The following GLI3 variants were observed in gnomAD, a reference collection of about 807,000 sequenced individuals.
GLI3 encodes GLI family zinc finger 3.
A neutral mutation model predicts 100.8 loss-of-function variants in GLI3; 20 were observed. The ratio of observed to expected loss-of-function variants is 0.20; its 90% CI spans 0.14 to 0.29. The LOEUF (loss-of-function observed/expected upper bound fraction) is 0.29, where lower values mean the gene tolerates loss of function less well. GLI3 is among the 10% of genes least tolerant of loss of function. The probability of loss-of-function intolerance (pLI) is 1.00; values close to 1 mark genes in which losing one functional copy is unlikely to be tolerated. For missense variants in GLI3, 2,040 were observed against 2,128.5 expected, an observed-to-expected ratio of 0.96 and a Z score of 0.82; for synonymous variants, 938 against 860.5, an observed-to-expected ratio of 1.09 and a Z score of -1.58.
chr7:42,065,493 T>G (rs1784656395), intron 4 of GLI3, among the ~76,000 whole-genome samples: 2 of 152,152 alleles, frequency 1.3e-5, no homozygotes, highest in South Asian at 4.1e-4. Context: ...ATATTTACTC[T>G]TTGTTAATAG....
rs1263460212 is a variant in GLI3, at chr7:42,201,955, G to A, written c.124+21175C>T. Among the ~76,000 whole-genome samples the A allele has an allele frequency of 3.3e-5, 5 of 151,536 alleles. No individual in the cohort carries two copies. In the South Asian group the frequency reaches 1.0e-3, roughly 32 times the overall value. ...AAATTAGCTGGGCATGGTGGCGTGC[G>A]CCTGTAGTCCCAGCTACTCAGGAGG... is the stretch of plus-strand genomic sequence containing the variant. On this transcript the variant is annotated intron_variant, in intron 2 of 14. Transcript: ENST00000395925.
intron 3 of GLI3, among the ~76,000 whole-genome samples, chr7:42,101,317 C>A (rs1298299405): frequency 6.6e-6 from 1 of 151,998 alleles, no homozygotes; most frequent in African/African-American, 2.4e-5. Context: ...ATAAAAAATC[C>A]AGGACTGGCG....
At chr7:42,214,228 T>G (rs979554153) in intron 2 of GLI3, among the ~76,000 whole-genome samples, 12 of 152,202 alleles carry the variant, frequency 7.9e-5, no homozygotes, top group South Asian at 6.2e-4. Flanking sequence ...AACAAAAGAA[T>G]CAAGAGACTT....
intron 3 of GLI3, among the ~76,000 whole-genome samples, chr7:42,086,099 T>C (rs1439400329): frequency 6.6e-6 from 1 of 152,178 alleles, no homozygotes; most frequent in African/African-American, 2.4e-5. Context: ...TAAATAGTAA[T>C]TAATAAAAAA....
At chr7:42,152,420 G>C (rs1012681241) in intron 2 of GLI3, 2 of 985,394 alleles carry the variant, frequency 2.0e-6, no homozygotes, top group African/African-American at 3.5e-5. Context: ...CTCTAGCTGC[G>C]CAGACCCTCT....
chr7:42,108,344 G>A (rs1198673507), intron 3 of GLI3, among the ~76,000 whole-genome samples: 1 of 152,006 alleles, frequency 6.6e-6, no homozygotes, highest in African/African-American at 2.4e-5. Flanking sequence ...CCTCCCTCTA[G>A]AGTCATGACC....
intron 2 of GLI3, among the ~76,000 whole-genome samples, chr7:42,197,337 C>A (rs1204008229): frequency 6.6e-6 from 1 of 152,218 alleles, no homozygotes; most frequent in Non-Finnish European, 1.5e-5. Flanking sequence ...ATAGGCCTCA[C>A]CTTGTGGATA....
chr7:41,980,010 A>G (rs1787612546), intron 10 of GLI3, among the ~76,000 whole-genome samples: 1 of 152,226 alleles, frequency 6.6e-6, no homozygotes, highest in Non-Finnish European at 1.5e-5. Context: ...ACAAAAGTAA[A>G]GTTTTCTATG....
intron 2 of GLI3, among the ~76,000 whole-genome samples, chr7:42,217,304 GATA>G (rs1788397590): frequency 6.6e-6 from 1 of 152,156 alleles, no homozygotes; most frequent in Non-Finnish European, 1.5e-5. Context: ...CAGGAAAGGT[GATA>G]TACTTAGCCA....
upstream of GLI3, among the ~76,000 whole-genome samples, chr7:42,239,811 A>ATGGT (rs1788905972): frequency 6.6e-6 from 1 of 152,210 alleles, no homozygotes; most frequent in African/African-American, 2.4e-5. Flanking sequence ...TTTAATGGTA[A>ATGGT]ACCCATACAT....
At chr7:41,988,471 AAAAG>A (rs1206282582) in intron 10 of GLI3, among the ~76,000 whole-genome samples, 1 of 26,230 alleles carries the variant, frequency 3.8e-5, no homozygotes. Context: ...CTCAAAAAAA[AAAAG>A]GGGGGGGGGG....
chr7:41,971,227 G>A (rs1380234546), intron 13 of GLI3, among the ~76,000 whole-genome samples: 1 of 152,174 alleles, frequency 6.6e-6, no homozygotes, highest in Non-Finnish European at 1.5e-5. Flanking sequence ...CCATCCGATA[G>A]ACTGCTCTAA....
At chr7:42,086,729 G>C (rs904275759) in intron 3 of GLI3, among the ~76,000 whole-genome samples, 1 of 151,998 alleles carries the variant, frequency 6.6e-6, no homozygotes, top group Non-Finnish European at 1.5e-5. Flanking sequence ...CCATGGGATC[G>C]AGTGCTCCTT....
At chr7:42,026,560 A>G in intron 7 of GLI3, 148 bp from the exon 8 acceptor site, 1 of 709,782 alleles carries the variant, frequency 1.4e-6, no homozygotes, top group Non-Finnish European at 2.5e-6. Context: ...AAGCATCTTG[A>G]AAACTTCTAA....
At chr7:42,003,854 G>A (rs569744814) in intron 10 of GLI3, among the ~76,000 whole-genome samples, 8 of 152,224 alleles carry the variant, frequency 5.3e-5, no homozygotes, top group Middle Eastern at 6.8e-3. Flanking sequence ...CATGTCTCTG[G>A]TATCAAAGCA....
Position 41,972,134 on chromosome 7 carries a change from T to A in GLI3, c.2103+203A>T, listed in dbSNP as rs1583741172. ...AGTGGTATGGTTCTGGGAGGGATTT[T>A]AAAAATCAGTTAGGAAACCTGGAAA... On this transcript the variant is annotated intron_variant, in intron 13 of 14. Coordinates refer to ENST00000395925, the MANE Select transcript of GLI3 (RefSeq NM_000168.6). This position sits in a 1 kb window ranked among gnomAD's most constrained non-coding sequence, Gnocchi z 4.4. Among the ~76,000 whole-genome samples the A allele has an allele frequency of 6.6e-6, 1 of 152,266 alleles. No homozygotes were observed. Among genetic ancestry groups the A allele is most frequent in the Non-Finnish European group, 1.5e-5 (1 of 68,004 alleles).
intron 2 of GLI3, among the ~76,000 whole-genome samples, chr7:42,159,936 C>A (rs1787094001): frequency 6.6e-6 from 1 of 152,140 alleles, no homozygotes; most frequent in Non-Finnish European, 1.5e-5. Context: ...GTATTAATGG[C>A]ATCAACTGCC....
intron 2 of GLI3, among the ~76,000 whole-genome samples, chr7:42,177,932 C>T (rs1787513010): frequency 6.6e-6 from 1 of 152,192 alleles, no homozygotes; most frequent in Admixed American, 6.5e-5. Context: ...TCACGCAACC[C>T]CGCTAAGTGT....
At chr7:42,183,849 C>T (rs58821951) in intron 2 of GLI3, among the ~76,000 whole-genome samples, 10,935 of 152,154 alleles carry the variant, frequency 0.072, 436 homozygotes, top group Middle Eastern at 0.11. Flanking sequence ...CCTAAATGAC[C>T]TCCTAGCTCT....
Sources: gnomAD v4.1 joint callset for allele counts (sites outside exome capture counted in the v4.1 genomes callset) on GRCh38, gnomAD v4.1.1 for gene constraint, Gnocchi (gnomAD v3.1) non-coding constraint, MANE v1.5 for transcripts, NCBI Gene and HGNC (gene_info 2026-07-23, HGNC 2026-07-21) for gene names.